The following FLCN variants were observed in gnomAD, a reference collection of about 807,000 sequenced individuals.
The protein encoded by FLCN is BHD skin lesion fibrofolliculoma protein.
FLCN carries 22 observed loss-of-function variants against 62.5 expected under a neutral mutation model. The observed-to-expected ratio is 0.35, with a 90% CI of 0.25 to 0.50. The LOEUF (loss-of-function observed/expected upper bound fraction) is 0.50. Among genes scored for constraint, FLCN ranks in the 20% least tolerant of loss-of-function variants. The pLI, the probability that FLCN is intolerant of heterozygous loss-of-function variation, is 0.97. For missense variants in FLCN, 657 were observed against 778.0 expected, an observed-to-expected ratio of 0.84 and a Z score of 1.85; for synonymous variants, 319 against 310.0, an observed-to-expected ratio of 1.03 and a Z score of -0.30.
Position 17,215,394 on chromosome 17 carries a change from C to T in FLCN, c.1301-78G>A. 5 of 1,605,294 alleles carry T rather than the reference C, an allele frequency of 3.1e-6. No individual in the cohort carries two copies. The South Asian group carries it at 3.3e-5, about 11-fold the overall frequency. On this transcript the variant is annotated intron_variant, in intron 11 of 13. Coordinates refer to ENST00000285071, the MANE Select transcript of FLCN (RefSeq NM_144997.7). Reference sequence around the variant, plus strand: ...CCCTGCGCTAGCCCACCGTGGGCCCCACTCCGCTCATCCCAGGTCAGTGGG... The same window carrying T: ...CCCTGCGCTAGCCCACCGTGGGCCCTACTCCGCTCATCCCAGGTCAGTGGG...
chr17:17,232,066 G>A (rs1007185452), intron 2 of FLCN, among the ~76,000 whole-genome samples, 184 bp from the exon 3 acceptor site: 8 of 152,206 alleles, frequency 5.3e-5, no homozygotes, highest in Non-Finnish European at 8.8e-5. Context: ...GGAAACATAC[G>A]CATTTAACAG....
At chr17:17,226,759 C>T (rs987042674) in intron 4 of FLCN, among the ~76,000 whole-genome samples, 2 of 152,194 alleles carry the variant, frequency 1.3e-5, no homozygotes, top group African/African-American at 4.8e-5. Context: ...TCTGAACTAA[C>T]ACCTGGAAGG....
In FLCN at chr17:17,215,283, G is replaced by A. The variant is rs879064748; in HGVS notation, c.1334C>T (p.Ala445Val). The change falls in exon 12 of 14, where the codon GCA becomes GTA. Residue 445 changes from alanine (A) to valine (V), a missense_variant. Physicochemically the swap from Ala to Val is moderately conservative, Grantham distance 64. Coordinates refer to ENST00000285071, the MANE Select transcript of FLCN (RefSeq NM_144997.7). ...CCCCACAGGGTGGAGGGTGGAACGT[G>A]CGGCTGCGTGGACCTCCACGATGAC... is the stretch of plus-strand genomic sequence containing the variant. ...FAVIVEVHAA[A>V]RSTLHPVGCE... 2.5e-6 allele frequency: 4 copies of A among 1,614,152 alleles called. No individual in the cohort carries two copies. The highest frequency in any genetic ancestry group is 3.4e-6 in the Non-Finnish European group (4 of 1,180,036).
chr17:17,217,234 T>C, intron 9 of FLCN, 52 bp from the exon 10 acceptor site: 1 of 1,216,466 alleles, frequency 8.2e-7, no homozygotes, highest in Non-Finnish European at 1.2e-6. Flanking sequence ...ATGGTTTTTC[T>C]CTCCCTTCCC....
At chr17:17,234,435 C>T (rs1249470371) in intron 1 of FLCN, among the ~76,000 whole-genome samples, 3 of 151,304 alleles carry the variant, frequency 2.0e-5, no homozygotes, top group African/African-American at 7.3e-5. Flanking sequence ...TGGTCTTGAA[C>T]TCCTGACCTC....
chr17:17,236,661 TC>T (rs1042988205), intron 1 of FLCN, among the ~76,000 whole-genome samples: 13 of 152,010 alleles, frequency 8.6e-5, no homozygotes, highest in Admixed American at 8.5e-4. Flanking sequence ...CACCCTCTCC[TC>T]CAAACAGAGC....
intron 6 of FLCN, chr17:17,223,068 T>C (rs991853682): frequency 6.3e-6 from 2 of 319,212 alleles, no homozygotes; most frequent in Non-Finnish European, 1.2e-5. Flanking sequence ...TCTGTGCTTC[T>C]GGAGGGCAGA....
intron 11 of FLCN, 106 bp from the exon 12 acceptor site, chr17:17,215,422 A>AG (rs1217334205): frequency 7.2e-5 from 112 of 1,558,202 alleles, no homozygotes; most frequent in Non-Finnish European, 9.6e-5. Context: ...TCAGTGGGGA[A>AG]GGCTGCTGGT....
At chr17:17,230,897 G>A (rs992490464) in intron 3 of FLCN, among the ~76,000 whole-genome samples, 13 of 151,858 alleles carry the variant, frequency 8.6e-5, no homozygotes, top group African/African-American at 3.1e-4. Context: ...ACTTCGTCTC[G>A]AAAAAATTAA....
At position 17,224,114 on chromosome 17, in the gene FLCN, G is replaced by T. The variant is rs1457527275; in HGVS notation, c.426C>A (p.Phe142Leu). ...CAAAGCCGTGCTGCTCATCTCCGAAGAAGATGGGGCCTTCACGGCCAGGGC... is the reference window on the plus strand; with the variant it reads ...CAAAGCCGTGCTGCTCATCTCCGAATAAGATGGGGCCTTCACGGCCAGGGC... The part of the protein sequence containing the change: ...EVCPGREGPI[F>L]FGDEQHGFVF... Residue 142 changes from phenylalanine (F) to leucine (L), a missense_variant, in exon 6 of 14, where the codon TTC becomes TTA. Coordinates refer to ENST00000285071, the MANE Select transcript of FLCN (RefSeq NM_144997.7). The T allele has an allele frequency of 6.2e-7, 1 of 1,605,186 alleles. No individual in the cohort carries two copies. The highest frequency in any genetic ancestry group is 8.5e-7 in the Non-Finnish European group (1 of 1,175,916).
In FLCN at chr17:17,215,016, A is replaced by G; in HGVS notation, c.1507T>C (p.Cys503Arg). The change falls in exon 13 of 14, where the codon TGC becomes CGC. Residue 503 changes from cysteine (C) to arginine (R), a missense_variant. By Grantham distance (180) the Cys-to-Arg change is radical (BLOSUM62 -3). Coordinates refer to ENST00000285071, the MANE Select transcript of FLCN (RefSeq NM_144997.7). The part of the protein sequence containing the change: ...QNLSVDVVDQ[C>R]LVCLKEEWMN... Reference sequence around the variant, plus strand: ...CACTCCTCCTTGAGGCAGACGAGGCACTGGTCCACCACATCCACAGACAGG... The same window carrying G: ...CACTCCTCCTTGAGGCAGACGAGGCGCTGGTCCACCACATCCACAGACAGG... The G allele has an allele frequency of 6.2e-7, 1 of 1,614,186 alleles. No individual in the cohort carries two copies. Among genetic ancestry groups the G allele is most frequent in the Non-Finnish European group, 8.5e-7 (1 of 1,180,038 alleles).
chr17:17,234,795 T>C (rs1475680613), intron 1 of FLCN, among the ~76,000 whole-genome samples: 3 of 142,608 alleles, frequency 2.1e-5, no homozygotes, highest in African/African-American at 5.2e-5. Context: ...GGCCAACATA[T>C]TGAAACCCCA....
chr17:17,216,003 T>C lies in FLCN; in HGVS notation c.1300+377A>G, dbSNP rs981820756. On this transcript the variant is annotated intron_variant, in intron 11 of 13. Transcript: ENST00000285071. This position sits in a 1 kb window ranked among gnomAD's most constrained non-coding sequence, Gnocchi z 4.0. ...AGCAGAAGTCAGGACAGGGGAACAGTAGAAGAGTGAGGAGAGGATGGCAGG... is the reference window on the plus strand; with the variant it reads ...AGCAGAAGTCAGGACAGGGGAACAGCAGAAGAGTGAGGAGAGGATGGCAGG... Among the ~76,000 whole-genome samples the C allele has an allele frequency of 1.3e-5, 2 of 152,056 alleles. No individual in the cohort carries two copies. Among genetic ancestry groups the C allele is most frequent in the African/African-American group, 4.8e-5 (2 of 41,406 alleles).
intron 9 of FLCN, among the ~76,000 whole-genome samples, chr17:17,218,381 A>G (rs1597589690): frequency 2.3e-5 from 3 of 132,850 alleles, no homozygotes; most frequent in Non-Finnish European, 4.7e-5. Flanking sequence ...AATGACCATC[A>G]CTTTCTTTTT....
intron 6 of FLCN, among the ~76,000 whole-genome samples, chr17:17,223,694 G>A (rs1209591588): frequency 6.6e-6 from 1 of 152,260 alleles, no homozygotes; most frequent in Non-Finnish European, 1.5e-5. Context: ...CCAGAGCTGA[G>A]CGAGAACCAG....
chr17:17,234,054 G>A (rs2047504874), intron 1 of FLCN, among the ~76,000 whole-genome samples: 1 of 151,772 alleles, frequency 6.6e-6, no homozygotes, highest in Admixed American at 6.6e-5. Context: ...TTGGTTATAA[G>A]GGGGTGCTCT....
Position 17,234,203 on chromosome 17 carries a change from G to GT in FLCN, c.-227-1303dup, listed in dbSNP as rs746759302. 3.7e-4 allele frequency among the ~76,000 whole-genome samples: 48 copies of GT among 130,764 alleles called. 1 individual carries two copies. The highest frequency in any genetic ancestry group is 8.4e-4 in the African/African-American group (29 of 34,668). The allele number at this position is 130,764 out of a possible 152,430, so 85.8% of individuals were successfully genotyped here. On this transcript the variant is annotated intron_variant, in intron 1 of 13. Coordinates refer to ENST00000285071, the MANE Select transcript of FLCN (RefSeq NM_144997.7). ...GAGCCAACATGGGCTACACTGTTTTGTTTTTTTTTGGTTTGTTTTTTTTTT... is the reference window on the plus strand; with the variant it reads ...GAGCCAACATGGGCTACACTGTTTTGTTTTTTTTTTGGTTTGTTTTTTTTTT...
intron 9 of FLCN, among the ~76,000 whole-genome samples, chr17:17,218,640 CAA>C (rs1157985193): frequency 1.3e-5 from 2 of 152,134 alleles, no homozygotes; most frequent in African/African-American, 2.4e-5. Context: ...CTTGGCCTCC[CAA>C]AGTGCTGGGA....
At chr17:17,221,167 G>A (rs954591930) in intron 8 of FLCN, 11 of 1,450,046 alleles carry the variant, frequency 7.6e-6, no homozygotes, top group East Asian at 2.6e-5. Context: ...AACTTGGGAC[G>A]AACTGAAACA....
Sources: allele counts gnomAD v4.1 joint callset (sites outside exome capture counted in the v4.1 genomes callset), GRCh38; gene constraint gnomAD v4.1.1; non-coding constraint Gnocchi (gnomAD v3.1); transcripts MANE v1.5; gene names NCBI Gene and HGNC (gene_info 2026-07-23, HGNC 2026-07-21).